The following SLC44A5 variants were observed in gnomAD, a reference collection of about 807,000 sequenced individuals.
SLC44A5 encodes the protein solute carrier family 44 member 5.
SLC44A5 carries 57 observed loss-of-function variants against 101.8 expected under a neutral mutation model. The observed-to-expected ratio is 0.56, with a 90% confidence interval of 0.45 to 0.70. SLC44A5 has a LOEUF of 0.70. Ranked by LOEUF, SLC44A5 falls within the 30% of genes least tolerant of loss-of-function variation. The pLI is 0.00. For synonymous variants in SLC44A5, 281 were observed against 290.9 expected, an observed-to-expected ratio of 0.97 and a Z score of 0.35; for missense variants, 737 against 853.1, an observed-to-expected ratio of 0.86 and a Z score of 1.70.
At chr1:75,640,432 G>A in the SLC44A5 span, among the ~76,000 whole-genome samples, 1 of 152,050 alleles carries the variant, frequency 6.6e-6, no homozygotes, top group Non-Finnish European at 1.5e-5. Flanking sequence ...CAAGTCAATG[G>A]TCAAGCCCAG....
chr1:75,597,187 CAA>C lies in SLC44A5; in HGVS notation c.-70+13851_-70+13852del, dbSNP rs36100438. On this transcript the variant is annotated intron_variant, in intron 1 of 23. Coordinates refer to ENST00000370859, the MANE Select transcript of SLC44A5 (RefSeq NM_001130058.2). ...TGGGCAATAGAGCCAGACTTTGTCT[CAA>C]AAAAAAAAAAAAAAGCCACAAAAAG... Among the ~76,000 whole-genome samples the C allele has an allele frequency of 9.8e-4, 101 of 102,964 alleles. 1 individual carries two copies. The highest frequency in any genetic ancestry group is 2.7e-3 in the African/African-American group (76 of 28,564). The allele number at this position is 102,964 out of a possible 152,430, so 67.5% of individuals were successfully genotyped here. A position where few individuals can be genotyped will look rare whatever the true frequency, so the allele number is the denominator to read the frequency against.
chr1:75,419,386 G>C (rs1420889488), intron 2 of SLC44A5, among the ~76,000 whole-genome samples: 1 of 148,282 alleles, frequency 6.7e-6, no homozygotes, highest in Admixed American at 6.8e-5. Flanking sequence ...TATATACAGA[G>C]AAAGAAAGAT....
At chr1:75,659,494 CAGGCAG>C in the SLC44A5 span, among the ~76,000 whole-genome samples, 3 of 65,540 alleles carry the variant, frequency 4.6e-5, no homozygotes, top group African/African-American at 1.6e-4. Flanking sequence ...GGAAGGAAGG[CAGGCAG>C]GCAGGCAGGC....
intron 2 of SLC44A5, among the ~76,000 whole-genome samples, chr1:75,538,327 T>C (rs1671165950): frequency 6.6e-6 from 1 of 152,236 alleles, no homozygotes; most frequent in African/African-American, 2.4e-5. Flanking sequence ...CTGTATTCTA[T>C]ATCAGTATGC....
At chr1:75,701,305 A>C in the SLC44A5 span, among the ~76,000 whole-genome samples, 1 of 152,210 alleles carries the variant, frequency 6.6e-6, no homozygotes, top group Non-Finnish European at 1.5e-5. Context: ...AACCTTGTCC[A>C]CCATGATCGA....
intron 3 of SLC44A5, among the ~76,000 whole-genome samples, chr1:75,376,261 G>C (rs969304711): frequency 6.6e-6 from 1 of 152,354 alleles, no homozygotes; most frequent in Admixed American, 6.5e-5. Flanking sequence ...GGCTGGGGGA[G>C]GGGCGCCCGC....
chr1:75,306,971 C>G (rs1654960585), intron 4 of SLC44A5, among the ~76,000 whole-genome samples: 1 of 151,674 alleles, frequency 6.6e-6, no homozygotes, highest in African/African-American at 2.4e-5. Context: ...ATCTCCTGAC[C>G]TCGTGATCCA....
the SLC44A5 span, among the ~76,000 whole-genome samples, chr1:75,679,614 G>A: frequency 4.0e-5 from 6 of 151,834 alleles, no homozygotes; most frequent in African/African-American, 7.3e-5. Flanking sequence ...TGAAGGAAGC[G>A]CTAAACATGG....
At chr1:75,299,899 C>A (rs1207426423) in intron 5 of SLC44A5, among the ~76,000 whole-genome samples, 1 of 150,868 alleles carries the variant, frequency 6.6e-6, no homozygotes, top group Admixed American at 6.6e-5. Flanking sequence ...GCCTGTAATC[C>A]CAGCTACTCG....
the SLC44A5 span, among the ~76,000 whole-genome samples, chr1:75,669,342 C>T: frequency 6.6e-6 from 1 of 152,146 alleles, no homozygotes. Flanking sequence ...TGATTCCCTG[C>T]TTATGGTCTA....
At chr1:75,526,932 G>A (rs1191847526) in intron 2 of SLC44A5, among the ~76,000 whole-genome samples, 1 of 151,930 alleles carries the variant, frequency 6.6e-6, no homozygotes, top group African/African-American at 2.4e-5. Context: ...TCAGGAGTTC[G>A]AGACCAGCCT....
At chr1:75,417,309 G>A (rs1663718050) in intron 2 of SLC44A5, among the ~76,000 whole-genome samples, 1 of 152,180 alleles carries the variant, frequency 6.6e-6, no homozygotes, top group South Asian at 2.1e-4. Flanking sequence ...TGTAAGATGT[G>A]ACTTGGTCCT....
intron 2 of SLC44A5, among the ~76,000 whole-genome samples, chr1:75,462,254 G>T (rs902366165): frequency 6.6e-6 from 1 of 152,200 alleles, no homozygotes; most frequent in African/African-American, 2.4e-5. Flanking sequence ...GTAATCCAAA[G>T]AATTCTCCCA....
chr1:75,397,362 G>C (rs1342883047), intron 2 of SLC44A5, among the ~76,000 whole-genome samples: 1 of 152,064 alleles, frequency 6.6e-6, no homozygotes, highest in Non-Finnish European at 1.5e-5. Context: ...TCATTAATTA[G>C]AGCTATTGAA....
At chr1:75,309,675 A>C (rs1421510841) in intron 4 of SLC44A5, among the ~76,000 whole-genome samples, 1 of 152,232 alleles carries the variant, frequency 6.6e-6, no homozygotes. Context: ...GTGAAATAGT[A>C]TAATAAGGAA....
intron 2 of SLC44A5, among the ~76,000 whole-genome samples, chr1:75,482,832 T>C (rs1373047090): frequency 6.6e-6 from 1 of 152,194 alleles, no homozygotes; most frequent in Non-Finnish European, 1.5e-5. Flanking sequence ...CTCAGATATA[T>C]ATCATTTTCT....
At chr1:75,488,621 T>C (rs1362435819) in intron 2 of SLC44A5, among the ~76,000 whole-genome samples, 3 of 152,236 alleles carry the variant, frequency 2.0e-5, no homozygotes, top group African/African-American at 7.2e-5. Context: ...TTTAGTCTTC[T>C]GGAGTCACTC....
At chr1:75,330,189 G>GTATATATGCATATATATACT (rs149894469) in intron 4 of SLC44A5, among the ~76,000 whole-genome samples, 1 of 84,720 alleles carries the variant, frequency 1.2e-5, no homozygotes. Flanking sequence ...ATATATATAC[G>GTATATATGCATATATATACT]TATATGCATA....
intron 1 of SLC44A5, among the ~76,000 whole-genome samples, chr1:75,546,147 C>T (rs2101967180): frequency 6.6e-6 from 1 of 152,152 alleles, no homozygotes; most frequent in Non-Finnish European, 1.5e-5. Context: ...AGTTCTTCTC[C>T]TTAGTTTGTA....
Sources: allele counts gnomAD v4.1 joint callset (sites outside exome capture counted in the v4.1 genomes callset), GRCh38; gene constraint gnomAD v4.1.1; transcripts MANE v1.5; gene names NCBI Gene and HGNC (gene_info 2026-07-23, HGNC 2026-07-21).